GRIK1: variants seen among roughly 807,000 people sequenced by gnomAD.
The protein encoded by GRIK1 is glutamate receptor ionotropic, kainate 1.
In GRIK1, 69 loss-of-function variants were observed where a neutral mutation model predicts 105.7. The observed-to-expected ratio is 0.65, with a 90% confidence interval of 0.54 to 0.80. The LOEUF is 0.80. Among genes scored for constraint, GRIK1 ranks in the 30% least tolerant of loss-of-function variants. GRIK1 has a pLI of 0.00. For synonymous variants in GRIK1, 438 were observed against 431.3 expected (o/e 1.02, Z -0.19); for missense variants, 1,109 against 1,167.3 (o/e 0.95, Z 0.73).
chr21:29,858,521 C>T (rs1391844200), intron 1 of GRIK1, among the ~76,000 whole-genome samples: 5 of 152,268 alleles, frequency 3.3e-5, no homozygotes, highest in African/African-American at 9.6e-5. Flanking sequence ...TTCTTATTTC[C>T]TCTCAGTGCT....
At chr21:29,609,041 T>C (rs1013074828) in intron 7 of GRIK1, among the ~76,000 whole-genome samples, 13 of 151,718 alleles carry the variant, frequency 8.6e-5, no homozygotes, top group African/African-American at 2.7e-4. Flanking sequence ...TATCTTGGGA[T>C]ACCTGGGTCA....
intron 1 of GRIK1, among the ~76,000 whole-genome samples, chr21:29,908,663 T>C (rs750168085): frequency 3.3e-5 from 5 of 152,216 alleles, no homozygotes; most frequent in Non-Finnish European, 5.9e-5. Flanking sequence ...ATGTGATTCA[T>C]TGTAATATAA....
rs376922106 is a variant in GRIK1 at position 29,813,167 on chromosome 21, A to G, written c.119-119104T>C. Among the ~76,000 whole-genome samples the G allele has an allele frequency of 2.6e-5, 4 of 152,164 alleles. No individual in the cohort carries two copies. In the East Asian group the frequency reaches 7.7e-4, roughly 29 times the overall value. On this transcript the variant is annotated intron_variant, in intron 1 of 17. Coordinates refer to ENST00000327783, the MANE Select transcript of GRIK1 (RefSeq NM_001330994.2). Reference sequence around the variant, plus strand: ...TTGCAATATTCAAGGAGGTGCTGCCAAGATTTGGTGACAACAGGCATTGTG... The same window carrying G: ...TTGCAATATTCAAGGAGGTGCTGCCGAGATTTGGTGACAACAGGCATTGTG...
chr21:29,541,588 T>G (rs1338836368), intron 16 of GRIK1, among the ~76,000 whole-genome samples: 1 of 149,394 alleles, frequency 6.7e-6, no homozygotes, highest in Non-Finnish European at 1.5e-5. Flanking sequence ...TTTTTTTTTT[T>G]TTTTTTTTGT....
chr21:29,582,089 C>A (rs1164992961), intron 12 of GRIK1, among the ~76,000 whole-genome samples: 1 of 152,076 alleles, frequency 6.6e-6, no homozygotes, highest in East Asian at 1.9e-4. Context: ...CAAGGCTGAA[C>A]AAATTAGTGA....
intron 1 of GRIK1, among the ~76,000 whole-genome samples, chr21:29,888,195 T>TTCTCTCTCTC (rs780446480): frequency 9.0e-5 from 2 of 22,148 alleles, no homozygotes; most frequent in African/African-American, 1.4e-4. Context: ...CTTTCTTTCT[T>TTCTCTCTCTC]TCTCTCTCTC....
At chr21:29,903,376 C>T (rs937824230) in intron 1 of GRIK1, among the ~76,000 whole-genome samples, 6 of 152,124 alleles carry the variant, frequency 3.9e-5, no homozygotes, top group Non-Finnish European at 7.4e-5. Flanking sequence ...TTTTTTCAAT[C>T]TATCCATCTG....
intron 1 of GRIK1, among the ~76,000 whole-genome samples, chr21:29,757,844 A>T (rs1029946976): frequency 2.6e-5 from 4 of 152,214 alleles, no homozygotes; most frequent in Admixed American, 2.6e-4. Flanking sequence ...CTCAGTTGTA[A>T]TCTTAAGTGT....
chr21:29,572,947 A>T (rs1260753740), intron 14 of GRIK1, among the ~76,000 whole-genome samples: 1 of 151,778 alleles, frequency 6.6e-6, no homozygotes, highest in Non-Finnish European at 1.5e-5. Context: ...ATATTTTTGT[A>T]TTTTTAGTAG....
intron 1 of GRIK1, among the ~76,000 whole-genome samples, chr21:29,759,263 A>G (rs1327508526): frequency 1.3e-5 from 2 of 151,194 alleles, no homozygotes; most frequent in African/African-American, 2.4e-5. Flanking sequence ...GACTACAGGC[A>G]CCCGCCACCA....
At chr21:29,927,920 A>T (rs1246209948) in intron 1 of GRIK1, among the ~76,000 whole-genome samples, 1 of 152,110 alleles carries the variant, frequency 6.6e-6, no homozygotes, top group Non-Finnish European at 1.5e-5. Context: ...ATACACACAC[A>T]TATACATATA....
chr21:29,684,861 A>G (rs2063458582), intron 3 of GRIK1, among the ~76,000 whole-genome samples: 1 of 151,988 alleles, frequency 6.6e-6, no homozygotes, highest in African/African-American at 2.4e-5. Context: ...ATCATGATCT[A>G]TTTTCTATCA....
chr21:29,639,715 G>A (rs2146515874), intron 7 of GRIK1, among the ~76,000 whole-genome samples: 1 of 152,158 alleles, frequency 6.6e-6, no homozygotes, highest in East Asian at 1.9e-4. Flanking sequence ...ATTACTAGGT[G>A]GCAGAAGCCA....
At chr21:29,894,953 A>G (rs1422168833) in intron 1 of GRIK1, among the ~76,000 whole-genome samples, 1 of 152,338 alleles carries the variant, frequency 6.6e-6, no homozygotes, top group South Asian at 2.1e-4. Flanking sequence ...ATAAGTAGCC[A>G]TTTAATATGT....
chr21:29,620,462 T>C (rs780185120), intron 7 of GRIK1, among the ~76,000 whole-genome samples: 17 of 152,162 alleles, frequency 1.1e-4, no homozygotes, highest in Non-Finnish European at 2.5e-4. Context: ...GTTTCCACCA[T>C]GGCCTTTCTT....
At chr21:29,826,560 GTCTT>G (rs2067462922) in intron 1 of GRIK1, among the ~76,000 whole-genome samples, 1 of 152,084 alleles carries the variant, frequency 6.6e-6, no homozygotes, top group African/African-American at 2.4e-5. Context: ...GAAACAGTGG[GTCTT>G]CCCTCTGTCT....
intron 1 of GRIK1, among the ~76,000 whole-genome samples, chr21:29,751,263 T>C (rs551866629): frequency 7.5e-4 from 115 of 152,354 alleles, no homozygotes; most frequent in Non-Finnish European, 1.3e-3. Flanking sequence ...ATATATCTTA[T>C]TTGATATACC....
intron 1 of GRIK1, among the ~76,000 whole-genome samples, chr21:29,767,117 G>C (rs2065686649): frequency 6.6e-6 from 1 of 152,164 alleles, no homozygotes; most frequent in Non-Finnish European, 1.5e-5. Flanking sequence ...TTCATCCGAA[G>C]GAGGGGTAGA....
chr21:29,798,341 A>C (rs962633205), intron 1 of GRIK1, among the ~76,000 whole-genome samples: 2 of 152,178 alleles, frequency 1.3e-5, no homozygotes, highest in African/African-American at 4.8e-5. Context: ...AGGATGGATA[A>C]AATTTAACTC....
Sources: gnomAD v4.1 joint callset for allele counts (sites outside exome capture counted in the v4.1 genomes callset) on GRCh38, gnomAD v4.1.1 for gene constraint, MANE v1.5 for transcripts, NCBI Gene and HGNC (gene_info 2026-07-23, HGNC 2026-07-21) for gene names.